The following TSPAN9 variants were observed in gnomAD, a reference collection of about 807,000 sequenced individuals.
The protein encoded by TSPAN9 is tetraspanin 9, also known as tetraspanin-9.
A neutral mutation model predicts 31.0 loss-of-function variants in TSPAN9; 16 were observed. The observed-to-expected ratio is 0.52, with a 90% confidence interval of 0.35 to 0.78. TSPAN9 has a LOEUF of 0.78. TSPAN9 is among the 30% of genes least tolerant of loss of function. The pLI, the probability that TSPAN9 is intolerant of heterozygous loss-of-function variation, is 0.01. For synonymous variants in TSPAN9, 145 were observed against 121.6 expected, an observed-to-expected ratio of 1.19 and a Z score of -1.27; for missense variants, 272 against 312.5, an observed-to-expected ratio of 0.87 and a Z score of 0.98.
At chr12:3,148,302 A>T (rs2098338236) in intron 2 of TSPAN9, among the ~76,000 whole-genome samples, 1 of 152,218 alleles carries the variant, frequency 6.6e-6, no homozygotes, top group African/African-American at 2.4e-5. Context: ...ATTGCAGAGA[A>T]ACTGGAAATC....
intron 2 of TSPAN9, among the ~76,000 whole-genome samples, chr12:3,174,664 G>C (rs941963339): frequency 2.6e-4 from 39 of 151,934 alleles, no homozygotes; most frequent in African/African-American, 8.9e-4. Flanking sequence ...CTCACTGCAA[G>C]CTCCGCCTCC....
At chr12:3,182,223 C>T (rs1055105054) in intron 2 of TSPAN9, among the ~76,000 whole-genome samples, 4 of 152,026 alleles carry the variant, frequency 2.6e-5, no homozygotes, top group South Asian at 2.1e-4. Flanking sequence ...TCACCCAGAT[C>T]AGACTGGCTT....
chr12:3,246,573 C>T (rs2153977646), intron 3 of TSPAN9, among the ~76,000 whole-genome samples: 1 of 152,282 alleles, frequency 6.6e-6, no homozygotes, highest in Admixed American at 6.5e-5. Context: ...ATTCCGAGCC[C>T]ATTCCTCCCT....
intron 2 of TSPAN9, among the ~76,000 whole-genome samples, chr12:3,153,726 CTGTT>C (rs1265583612): frequency 1.1e-4 from 16 of 151,672 alleles, no homozygotes; most frequent in Non-Finnish European, 2.2e-4. Flanking sequence ...GTATCTCTGT[CTGTT>C]TCTCTGTCTA....
intron 3 of TSPAN9, among the ~76,000 whole-genome samples, chr12:3,210,854 T>C (rs1431838095): frequency 6.6e-6 from 1 of 151,836 alleles, no homozygotes; most frequent in Non-Finnish European, 1.5e-5. Flanking sequence ...CAAGTGATCC[T>C]TCCATACCAG....
chr12:3,271,808 C>T (rs1218360185), intron 3 of TSPAN9, among the ~76,000 whole-genome samples: 2 of 152,112 alleles, frequency 1.3e-5, no homozygotes, highest in Non-Finnish European at 2.9e-5. Context: ...CTGCGGGGGC[C>T]CTTGGAGGCA....
At chr12:3,142,892 G>A (rs1213026555) in intron 2 of TSPAN9, among the ~76,000 whole-genome samples, 1 of 152,184 alleles carries the variant, frequency 6.6e-6, no homozygotes, top group African/African-American at 2.4e-5. Context: ...TGTACCAGGA[G>A]CCTCCATTGC....
At position 3,223,761 on chromosome 12, in the gene TSPAN9, G is replaced by A. The variant is rs552550907; in HGVS notation, c.63+22505G>A. ...ACTACAAGTGTTTTCTAACACAGGGGCATGAATTCAGCCGTGGCGGCGGCA... is the reference window on the plus strand; with the variant it reads ...ACTACAAGTGTTTTCTAACACAGGGACATGAATTCAGCCGTGGCGGCGGCA... On this transcript the variant is annotated intron_variant, in intron 3 of 8. Coordinates refer to ENST00000011898, the MANE Select transcript of TSPAN9 (RefSeq NM_006675.5). Among the ~76,000 whole-genome samples the A allele has an allele frequency of 2.0e-5, 3 of 152,330 alleles. No homozygotes were observed. In the South Asian group the frequency reaches 6.2e-4, roughly 32 times the overall value.
chr12:3,085,892 A>T (rs1315135438), intron 2 of TSPAN9, among the ~76,000 whole-genome samples: 2 of 152,126 alleles, frequency 1.3e-5, no homozygotes, highest in South Asian at 2.1e-4. Flanking sequence ...CTGACTTCTG[A>T]TAGGAGCGGA....
intron 3 of TSPAN9, among the ~76,000 whole-genome samples, chr12:3,226,744 G>A (rs796881772): frequency 0.062 from 174 of 2,822 alleles, 1 homozygote; most frequent in South Asian, 0.1. Flanking sequence ...GTGTGTGTGT[G>A]TATATATATA....
At chr12:3,139,336 T>TC (rs1396578988) in intron 2 of TSPAN9, among the ~76,000 whole-genome samples, 7 of 151,976 alleles carry the variant, frequency 4.6e-5, no homozygotes, top group Non-Finnish European at 1.0e-4. Context: ...TAATTAGATT[T>TC]CCCCCTTTTC....
At chr12:3,260,428 G>T (rs1437938879) in intron 3 of TSPAN9, among the ~76,000 whole-genome samples, 1 of 152,206 alleles carries the variant, frequency 6.6e-6, no homozygotes, top group Non-Finnish European at 1.5e-5. Context: ...TGACCCTTGT[G>T]GTTCTTGACA....
At chr12:3,141,785 C>A (rs2098334981) in intron 2 of TSPAN9, among the ~76,000 whole-genome samples, 1 of 152,170 alleles carries the variant, frequency 6.6e-6, no homozygotes, top group Admixed American at 6.5e-5. Flanking sequence ...TTAGTCCCCA[C>A]CCACCAAGCC....
intron 3 of TSPAN9, among the ~76,000 whole-genome samples, chr12:3,245,821 T>C (rs1469813957): frequency 6.6e-6 from 1 of 152,018 alleles, no homozygotes; most frequent in African/African-American, 2.4e-5. Context: ...TCCAATTCCT[T>C]GTACTGGAGA....
At chr12:3,273,615 T>C (rs11832829) in intron 3 of TSPAN9, among the ~76,000 whole-genome samples, 2,991 of 152,322 alleles carry the variant, frequency 0.02, 90 homozygotes, top group African/African-American at 0.068. Context: ...CCCTGAGCTT[T>C]GGCTGTGCCA....
At chr12:3,226,857 C>T (rs2098388110) in intron 3 of TSPAN9, among the ~76,000 whole-genome samples, 1 of 141,082 alleles carries the variant, frequency 7.1e-6, no homozygotes. Flanking sequence ...CTTAGCCTGT[C>T]AAGCAGCTGG....
intron 6 of TSPAN9, 82 bp from the exon 7 acceptor site, chr12:3,281,091 GTGGCCACTTTTGCGGGGACTGGGGT>G: frequency 6.6e-7 from 1 of 1,509,656 alleles, no homozygotes; most frequent in Non-Finnish European, 8.9e-7. Flanking sequence ...TAACTGCAGG[GTGGCCACTTTTGCGGGGACTGGGGT>G]TGGCCTGGGC....
intron 2 of TSPAN9, among the ~76,000 whole-genome samples, chr12:3,092,060 A>G (rs929556611): frequency 2.8e-4 from 42 of 152,252 alleles, no homozygotes; most frequent in African/African-American, 9.2e-4. Flanking sequence ...GAAATCTGGC[A>G]TCACGGACAA....
chr12:3,175,813 TAGAA>T (rs1466363418), intron 2 of TSPAN9, among the ~76,000 whole-genome samples: 1 of 152,134 alleles, frequency 6.6e-6, no homozygotes, highest in African/African-American at 2.4e-5. Context: ...GCTTTATAAA[TAGAA>T]AGATACTTAA....
Sources: allele counts gnomAD v4.1 joint callset (sites outside exome capture counted in the v4.1 genomes callset), GRCh38; gene constraint gnomAD v4.1.1; transcripts MANE v1.5; gene names NCBI Gene and HGNC (gene_info 2026-07-23, HGNC 2026-07-21).